KCNJ6: variants seen among roughly 807,000 people sequenced by gnomAD.
KCNJ6 encodes G protein-activated inward rectifier potassium channel 2.
A neutral mutation model predicts 34.2 loss-of-function variants in KCNJ6; 9 were observed. The ratio of observed to expected loss-of-function variants is 0.26; its 90% CI spans 0.16 to 0.46. The LOEUF (loss-of-function observed/expected upper bound fraction) is 0.46, where lower values mean the gene tolerates loss of function less well. Ranked by LOEUF, KCNJ6 falls within the 20% of genes least tolerant of loss-of-function variation. The probability of loss-of-function intolerance (pLI) is 1.00; values close to 1 mark genes in which losing one functional copy is unlikely to be tolerated. For synonymous variants in KCNJ6, 196 were observed against 207.1 expected (o/e 0.95, Z 0.46); for missense variants, 236 against 531.3 (o/e 0.44, Z 5.46).
intron 1 of KCNJ6, among the ~76,000 whole-genome samples, chr21:37,858,157 C>T (rs1395171653): frequency 2.0e-5 from 3 of 151,712 alleles, no homozygotes; most frequent in Admixed American, 1.3e-4. Flanking sequence ...TTTGGGAGGC[C>T]GAAGAGGGTG....
intron 3 of KCNJ6, among the ~76,000 whole-genome samples, chr21:37,674,000 G>A (rs2054553320): frequency 6.6e-6 from 1 of 152,206 alleles, no homozygotes; most frequent in African/African-American, 2.4e-5. Context: ...CCTTAGTGAT[G>A]ACAGCATATC....
chr21:37,638,911 C>T (rs1263839087), intron 3 of KCNJ6, among the ~76,000 whole-genome samples: 1 of 152,200 alleles, frequency 6.6e-6, no homozygotes, highest in Non-Finnish European at 1.5e-5. Flanking sequence ...ACAAAACATA[C>T]AAAACACTTT....
intron 1 of KCNJ6, among the ~76,000 whole-genome samples, chr21:37,856,931 T>C (rs777417408): frequency 1.7e-4 from 26 of 152,106 alleles, no homozygotes; most frequent in Non-Finnish European, 3.4e-4. Flanking sequence ...CAGGCCATGC[T>C]CTGGTAGGAG....
At chr21:37,775,538 C>T (rs568653442) in intron 2 of KCNJ6, among the ~76,000 whole-genome samples, 139 of 152,172 alleles carry the variant, frequency 9.1e-4, no homozygotes, top group African/African-American at 3.1e-3. Context: ...TAAGGTGTAA[C>T]GAAGGGATCT....
chr21:37,635,349 C>T (rs1387506138), intron 3 of KCNJ6, among the ~76,000 whole-genome samples: 1 of 151,576 alleles, frequency 6.6e-6, no homozygotes, highest in East Asian at 2.0e-4. Context: ...TCCCAAGTAG[C>T]TTGGAGTATA....
intron 3 of KCNJ6, among the ~76,000 whole-genome samples, chr21:37,705,002 G>A (rs759037142): frequency 1.8e-4 from 28 of 152,062 alleles, no homozygotes; most frequent in Non-Finnish European, 3.4e-4. Context: ...AGAACTGGAG[G>A]GTGGGAGCCT....
At chr21:37,672,613 C>T (rs1362433772) in intron 3 of KCNJ6, among the ~76,000 whole-genome samples, 1 of 152,038 alleles carries the variant, frequency 6.6e-6, no homozygotes, top group Non-Finnish European at 1.5e-5. Context: ...ATGGTATATC[C>T]TTAGCTTAGT....
At chr21:37,671,732 CAG>C (rs2054543047) in intron 3 of KCNJ6, among the ~76,000 whole-genome samples, 1 of 152,230 alleles carries the variant, frequency 6.6e-6, no homozygotes, top group Admixed American at 6.5e-5. Context: ...AGGGAACACA[CAG>C]GGGTGTCCAC....
intron 2 of KCNJ6, among the ~76,000 whole-genome samples, chr21:37,818,351 G>A (rs796884747): frequency 9.2e-5 from 14 of 152,106 alleles, no homozygotes; most frequent in African/African-American, 2.7e-4. Flanking sequence ...CTTCTGCAGC[G>A]TCTAATACAT....
At chr21:37,774,130 A>G (rs2055130543) in intron 2 of KCNJ6, among the ~76,000 whole-genome samples, 1 of 152,150 alleles carries the variant, frequency 6.6e-6, no homozygotes, top group Non-Finnish European at 1.5e-5. Flanking sequence ...TGATAGCATA[A>G]CAGGTAAGAG....
At chr21:37,647,390 C>T (rs1052010737) in intron 3 of KCNJ6, among the ~76,000 whole-genome samples, 2 of 152,096 alleles carry the variant, frequency 1.3e-5, no homozygotes, top group African/African-American at 4.8e-5. Context: ...CGGCTTAGTT[C>T]TGGGTTAGTG....
Position 37,625,155 on chromosome 21 carries a change from G to A in KCNJ6, c.*4C>T, listed in dbSNP as rs374032605. 27 of 1,607,188 alleles carry A rather than the reference G, an allele frequency of 1.7e-5. No homozygotes were observed. In the African/African-American group the frequency reaches 3.5e-4, roughly 21 times the overall value. ...AGAAGAGAAGGGTTTGCCCAGCTAG[G>A]GCACTAAACTTTGGATTCATTCTCC... On this transcript the variant is annotated 3_prime_UTR_variant, in exon 4 of 4. Coordinates refer to ENST00000609713, the MANE Select transcript of KCNJ6 (RefSeq NM_002240.5).
chr21:37,763,405 GC>G (rs2123497449), intron 2 of KCNJ6, among the ~76,000 whole-genome samples: 1 of 152,250 alleles, frequency 6.6e-6, no homozygotes, highest in East Asian at 1.9e-4. Context: ...CTTACTTCCT[GC>G]TCCTGATCCT....
chr21:37,853,846 G>GTATGTATATATATATATATATATA (rs1555850323), intron 1 of KCNJ6, among the ~76,000 whole-genome samples: 16 of 115,990 alleles, frequency 1.4e-4, no homozygotes, highest in African/African-American at 6.4e-4. Context: ...ATATATATAT[G>GTATGTATATATATATATATATATA]TATATATATA....
chr21:37,625,263 T>C lies in KCNJ6; in HGVS notation c.1168A>G (p.Asn390Asp). Residue 390 changes from asparagine (N) to aspartate (D), a missense_variant, in exon 4 of 4, where the codon AAC (asparagine) becomes GAC (aspartate). Asn to Asp is a conservative substitution (Grantham distance 23). This residue lies in a region of KCNJ6 where 43 missense variants were observed against 52.1 expected (regional missense o/e 0.82). Transcript: ENST00000609713. ...TCAGTCTCCAGTTCTGCATGTTGGT[T>C]GAGTTTGCTGGATACAGACCAACTC... is the stretch of plus-strand genomic sequence containing the variant. ...PLSWSVSSKL[N>D]QHAELETEEE... 1 of 1,614,236 alleles carries C rather than the reference T, an allele frequency of 6.2e-7. No individual in the cohort carries two copies. Among genetic ancestry groups the C allele is most frequent in the African/African-American group, 1.3e-5 (1 of 75,062 alleles).
chr21:37,672,384 A>T (rs930857898), intron 3 of KCNJ6, among the ~76,000 whole-genome samples: 1 of 152,148 alleles, frequency 6.6e-6, no homozygotes, highest in Middle Eastern at 3.4e-3. Flanking sequence ...TCTAAGGATG[A>T]CGGTGATGCA....
At chr21:37,635,856 G>A (rs1194221572) in intron 3 of KCNJ6, among the ~76,000 whole-genome samples, 2 of 152,204 alleles carry the variant, frequency 1.3e-5, no homozygotes, top group Non-Finnish European at 2.9e-5. Flanking sequence ...ATAACAATAT[G>A]TGAGGTACAT....
chr21:37,911,904 A>T (rs2055868714), intron 1 of KCNJ6, among the ~76,000 whole-genome samples: 3 of 152,092 alleles, frequency 2.0e-5, no homozygotes, highest in South Asian at 4.1e-4. Flanking sequence ...TCTCCAATGA[A>T]TTTTTTCTAT....
intron 3 of KCNJ6, among the ~76,000 whole-genome samples, chr21:37,682,525 T>C (rs1189714607): frequency 8.5e-6 from 1 of 117,598 alleles, no homozygotes; most frequent in African/African-American, 3.4e-5. Flanking sequence ...CTCCAGTCTC[T>C]GCCTCCATCT....
Sources: gnomAD v4.1 joint callset for allele counts (sites outside exome capture counted in the v4.1 genomes callset) on GRCh38, gnomAD v4.1.1 for gene constraint, gnomAD v4.1.1 regional missense constraint, MANE v1.5 for transcripts, NCBI Gene and HGNC (gene_info 2026-07-23, HGNC 2026-07-21) for gene names.